Variants in CDH23 observed in about 807,000 individuals in gnomAD.
The protein encoded by CDH23 is cadherin-23.
CDH23 carries 189 observed loss-of-function variants against 317.1 expected under a neutral mutation model. That is an observed-to-expected ratio of 0.60 (90% CI 0.53 to 0.67). The LOEUF (loss-of-function observed/expected upper bound fraction) is 0.67, where lower values mean the gene tolerates loss of function less well. CDH23 is among the 30% of genes least tolerant of loss of function. CDH23 has a pLI of 0.00. For missense variants in CDH23, 4,401 were observed against 4,592.4 expected (o/e 0.96, Z 1.20); for synonymous variants, 1,839 against 1,876.8 (o/e 0.98, Z 0.52).
At chr10:71,533,412 C>A (rs776665613) in intron 6 of CDH23, among the ~76,000 whole-genome samples, 1 of 152,098 alleles carries the variant, frequency 6.6e-6, no homozygotes, top group Non-Finnish European at 1.5e-5. Context: ...TCATTGGCTT[C>A]TCGGATATGG....
At chr10:71,587,674 G>C (rs560325058) in intron 9 of CDH23, among the ~76,000 whole-genome samples, 2 of 152,264 alleles carry the variant, frequency 1.3e-5, no homozygotes, top group African/African-American at 4.8e-5. Context: ...GGAGATCCTC[G>C]TAGCTCCCAC....
intron 52 of CDH23, 142 bp downstream of exon 52, chr10:71,799,771 C>T (rs1166914239): frequency 9.0e-7 from 1 of 1,108,094 alleles, no homozygotes; most frequent in African/African-American, 1.5e-5. Flanking sequence ...TTAGCCAAGT[C>T]AGCAAACCCT....
chr10:71,693,839 TC>T (rs1347582330), intron 20 of CDH23, among the ~76,000 whole-genome samples: 2 of 152,296 alleles, frequency 1.3e-5, no homozygotes, highest in Non-Finnish European at 1.5e-5. Flanking sequence ...CTAATGGCCC[TC>T]CTGCCCTGTT....
chr10:71,470,649 C>T (rs1589112308), intron 3 of CDH23, among the ~76,000 whole-genome samples: 1 of 152,080 alleles, frequency 6.6e-6, no homozygotes, highest in Non-Finnish European at 1.5e-5. Flanking sequence ...GCCACTACAC[C>T]CAGCTAATTT....
Position 71,578,028 on chromosome 10 carries a change from C to T in CDH23, c.832+36C>T. ...AGGCTGCCCCTCTCTCCTCTCACCC[C>T]TCTGTCCTCCACCCAAGGAGAGCCA... On this transcript the variant is annotated intron_variant, in intron 9 of 69. Transcript: ENST00000224721. 3.2e-6 allele frequency: 5 copies of T among 1,549,002 alleles called. No individual in the cohort carries two copies. In the South Asian group the frequency reaches 5.9e-5, roughly 18 times the overall value.
At position 71,578,812 on chromosome 10, in the gene CDH23, G is replaced by A. The variant is rs116871003; in HGVS notation, c.832+820G>A. On this transcript the variant is annotated intron_variant, in intron 9 of 69. Transcript: ENST00000224721. ...ATCTGGGCAGGCCAGGTTGATGGCC[G>A]AAAGGACATCTGGCCACCAGGCCAG... 9.3e-3 allele frequency among the ~76,000 whole-genome samples: 1,422 copies of A among 152,284 alleles called. 43 individuals are homozygous for A. Among genetic ancestry groups the A allele is most frequent in the East Asian group, 0.037 (189 of 5,176 alleles).
intron 15 of CDH23, among the ~76,000 whole-genome samples, chr10:71,675,390 C>A (rs1441039100): frequency 6.6e-6 from 1 of 152,196 alleles, no homozygotes; most frequent in Admixed American, 6.5e-5. Flanking sequence ...CTCTCTGGGG[C>A]ACAGCTTATC....
At position 71,690,501 on chromosome 10, in the gene CDH23, T is replaced by C. The variant is rs1439381315; in HGVS notation, c.2093T>C (p.Leu698Pro). 2 of 1,610,764 alleles carry C rather than the reference T, an allele frequency of 1.2e-6. No homozygotes were observed. Among genetic ancestry groups the C allele is most frequent in the East Asian group, 4.5e-5 (2 of 44,804 alleles). ...GTGCTGTTCCTGAATGCCACAGACCTGGACCGCTCCCGGGAGTACGGCCAG... is the reference window on the plus strand; with the variant it reads ...GTGCTGTTCCTGAATGCCACAGACCCGGACCGCTCCCGGGAGTACGGCCAG... The part of the protein sequence containing the change: ...ATVLFLNATD[L>P]DRSREYGQES... Residue 698 changes from leucine (L) to proline (P), a missense_variant, in exon 20 of 70, where the codon CTG (leucine) becomes CCG (proline). Leu to Pro is a moderately conservative substitution (Grantham distance 98). Coordinates refer to ENST00000224721, the MANE Select transcript of CDH23 (RefSeq NM_022124.6).
chr10:71,440,801 A>G (rs7082815), intron 2 of CDH23, among the ~76,000 whole-genome samples: 127,251 of 152,212 alleles, frequency 0.84, 53,499 homozygotes, highest in African/African-American at 0.91. Context: ...CCAGGGCCAT[A>G]GCATCCCCAG....
At chr10:71,633,657 G>A (rs1862124185) in intron 11 of CDH23, among the ~76,000 whole-genome samples, 1 of 152,226 alleles carries the variant, frequency 6.6e-6, no homozygotes, top group South Asian at 2.1e-4. Context: ...GGACTAGAAA[G>A]GAGAGGGAGA....
At chr10:71,709,938 C>G (rs994247426) in intron 27 of CDH23, among the ~76,000 whole-genome samples, 2 of 152,004 alleles carry the variant, frequency 1.3e-5, no homozygotes, top group Non-Finnish European at 2.9e-5. Flanking sequence ...GATGGTAGCA[C>G]GCAAAGAGAG....
intron 44 of CDH23, among the ~76,000 whole-genome samples, chr10:71,787,319 ATTTTTTT>A (rs34939679): frequency 1.6e-5 from 2 of 126,410 alleles, no homozygotes; most frequent in South Asian, 2.5e-4. Flanking sequence ...CGCTTTTCAG[ATTTTTTT>A]TTTTTTTTTT....
intron 1 of CDH23, among the ~76,000 whole-genome samples, chr10:71,426,348 G>A (rs950300589): frequency 6.6e-6 from 1 of 152,234 alleles, no homozygotes; most frequent in East Asian, 1.9e-4. Context: ...ATGGGGGACA[G>A]GCCCAGGACC....
At chr10:71,402,240 A>G (rs978270000) in intron 1 of CDH23, among the ~76,000 whole-genome samples, 1 of 152,240 alleles carries the variant, frequency 6.6e-6, no homozygotes, top group Non-Finnish European at 1.5e-5. Flanking sequence ...TCTCAGCCTC[A>G]GGGGCTGCAG....
At position 71,803,350 on chromosome 10, in the gene CDH23, T is replaced by G; in HGVS notation, c.7802T>G (p.Val2601Gly). The G allele has an allele frequency of 6.3e-7, 1 of 1,597,634 alleles. No individual in the cohort carries two copies. The highest frequency in any genetic ancestry group is 2.3e-5 in the East Asian group (1 of 43,650). ...GGCACCACCATGCTCCTGGTGGAGG[T>G]CATCGACGTCAATGACAACCGCCCT... is the stretch of plus-strand genomic sequence containing the variant. ...LWGTTMLLVE[V>G]IDVNDNRPVF... Residue 2601 changes from valine to glycine, a missense_variant, in exon 55 of 70, where the codon GTC (valine) becomes GGC (glycine). By Grantham distance (109) the Val-to-Gly change is moderately radical (BLOSUM62 -3). Transcript: ENST00000224721.
chr10:71,659,960 G>GTTTTTTTTTT (rs5786047), intron 14 of CDH23, among the ~76,000 whole-genome samples: 1 of 119,530 alleles, frequency 8.4e-6, no homozygotes, highest in Non-Finnish European at 1.7e-5. Context: ...CTTTCTTTCC[G>GTTTTTTTTTT]TTTTTTTTTT....
intron 60 of CDH23, among the ~76,000 whole-genome samples, chr10:71,809,457 C>T (rs1023641496): frequency 4.6e-5 from 7 of 152,014 alleles, no homozygotes; most frequent in Non-Finnish European, 1.0e-4. Context: ...GAGATTCAGG[C>T]GTGAGCCACC....
intron 3 of CDH23, among the ~76,000 whole-genome samples, chr10:71,459,882 T>C (rs988843442): frequency 2.6e-5 from 4 of 152,178 alleles, no homozygotes; most frequent in African/African-American, 9.7e-5. Flanking sequence ...AAGTCTGCTG[T>C]TCTTTATTCT....
At chr10:71,678,507 A>T (rs1864469247) in intron 16 of CDH23, among the ~76,000 whole-genome samples, 1 of 152,122 alleles carries the variant, frequency 6.6e-6, no homozygotes, top group Non-Finnish European at 1.5e-5. Flanking sequence ...CAGAGCCTCC[A>T]TTTGGAACTT....
Sources: gnomAD v4.1 joint callset for allele counts (sites outside exome capture counted in the v4.1 genomes callset) on GRCh38, gnomAD v4.1.1 for gene constraint, MANE v1.5 for transcripts, NCBI Gene and HGNC (gene_info 2026-07-23, HGNC 2026-07-21) for gene names.